Variants in NTM observed in about 807,000 individuals in gnomAD.
NTM encodes the protein IgLON family member 2.
NTM carries 13 observed loss-of-function variants against 42.1 expected under a neutral mutation model. That is an observed-to-expected ratio of 0.31 (90% CI 0.20 to 0.49). NTM has a LOEUF of 0.49. Ranked by LOEUF, NTM falls within the 20% of genes least tolerant of loss-of-function variation. NTM has a pLI of 0.99. For missense variants in NTM, 373 were observed against 452.8 expected (o/e 0.82, Z 1.60); for synonymous variants, 187 against 179.2 (o/e 1.04, Z -0.35).
chr11:131,789,473 AAGAAGAAGAAGAAGAAGAGGAAAG>A lies in NTM; in HGVS notation c.83-122089_83-122066del, dbSNP rs1565550316. On this transcript the variant is annotated intron_variant, in intron 1 of 8. Coordinates refer to ENST00000683400, the MANE Select transcript of NTM (RefSeq NM_001352005.2). ...GAAGAAGAAGAAGAAGAAGAAGAAG[AAGAAGAAGAAGAAGAAGAGGAAAG>A]AAGAAGAAGAAGAAGAAGAAGAAGA... 3.4e-3 allele frequency among the ~76,000 whole-genome samples: 45 copies of A among 13,166 alleles called. 17 individuals carry two copies. The highest frequency in any genetic ancestry group is 9.6e-3 in the South Asian group (3 of 312). The allele number at this position is 13,166 out of a possible 152,430, so 8.6% of individuals were successfully genotyped here.
chr11:132,188,853 A>T (rs1373418392), intron 3 of NTM, among the ~76,000 whole-genome samples: 1 of 152,206 alleles, frequency 6.6e-6, no homozygotes, highest in African/African-American at 2.4e-5. Context: ...GGCTGTCTCC[A>T]CTGACCCTGG....
chr11:131,746,102 T>C (rs944673359), intron 1 of NTM, among the ~76,000 whole-genome samples: 1 of 151,916 alleles, frequency 6.6e-6, no homozygotes, highest in Non-Finnish European at 1.5e-5. Context: ...TCCTTTACCC[T>C]CTTTGTGGGA....
In NTM at chr11:131,805,128, A is replaced by G. The variant is rs1295600112; in HGVS notation, c.83-106436A>G. Among the ~76,000 whole-genome samples, 4 of 152,216 alleles carry G rather than the reference A, an allele frequency of 2.6e-5. No individual in the cohort carries two copies. In the East Asian group the frequency reaches 7.7e-4, roughly 29 times the overall value. On this transcript the variant is annotated intron_variant, in intron 1 of 8. Transcript: ENST00000683400. ...CATTCACGTTATAATATATGCTCCT[A>G]TAAAGTAGAGGCCATCCTCACCATC...
intron 1 of NTM, among the ~76,000 whole-genome samples, chr11:131,481,267 G>A (rs542942191): frequency 9.2e-5 from 14 of 152,282 alleles, no homozygotes; most frequent in South Asian, 2.1e-4. Flanking sequence ...GATATCGAAC[G>A]CACTTGGAAA....
intron 1 of NTM, among the ~76,000 whole-genome samples, chr11:131,401,820 A>ATG (rs1555101754): frequency 1.2e-4 from 6 of 49,914 alleles, no homozygotes; most frequent in African/African-American, 5.4e-4. Flanking sequence ...ATATATATAT[A>ATG]TATATATATA....
At chr11:131,884,868 T>C (rs1265113189) in intron 1 of NTM, among the ~76,000 whole-genome samples, 1 of 152,194 alleles carries the variant, frequency 6.6e-6, no homozygotes, top group Non-Finnish European at 1.5e-5. Context: ...GAGTGCTTCC[T>C]GTGTGTCAGG....
At chr11:131,727,069 G>A (rs2079059563) in intron 1 of NTM, among the ~76,000 whole-genome samples, 1 of 151,284 alleles carries the variant, frequency 6.6e-6, no homozygotes, top group Admixed American at 6.6e-5. Flanking sequence ...GCCAAGTGGA[G>A]CAGCTCCTCT....
At chr11:131,806,250 A>G (rs1447607065) in intron 1 of NTM, among the ~76,000 whole-genome samples, 1 of 152,192 alleles carries the variant, frequency 6.6e-6, no homozygotes, top group African/African-American at 2.4e-5. Context: ...AGTTGTAAAG[A>G]ATTGTTTATA....
intron 1 of NTM, among the ~76,000 whole-genome samples, chr11:131,755,902 G>A (rs1392593600): frequency 1.3e-5 from 2 of 152,206 alleles, no homozygotes; most frequent in Non-Finnish European, 2.9e-5. Context: ...TCGAGGAGAG[G>A]CAATAGAAGC....
intron 2 of NTM, among the ~76,000 whole-genome samples, chr11:132,028,744 C>A (rs1260497170): frequency 6.6e-6 from 1 of 152,138 alleles, no homozygotes; most frequent in Non-Finnish European, 1.5e-5. Flanking sequence ...TCATTAGGCT[C>A]TGGTAATATA....
intron 1 of NTM, among the ~76,000 whole-genome samples, chr11:131,522,745 TC>T (rs1175329852): frequency 2.0e-5 from 3 of 152,186 alleles, no homozygotes; most frequent in African/African-American, 7.2e-5. Context: ...TTCCTTGGCC[TC>T]CATAGATTAT....
intron 1 of NTM, among the ~76,000 whole-genome samples, chr11:131,664,985 G>A (rs1392037327): frequency 4.6e-5 from 7 of 152,120 alleles, no homozygotes; most frequent in Admixed American, 4.6e-4. Context: ...GGGCACCAGA[G>A]GCAGAACCCG....
chr11:131,649,296 T>C (rs1002402901), intron 1 of NTM, among the ~76,000 whole-genome samples: 1 of 152,188 alleles, frequency 6.6e-6, no homozygotes, highest in Non-Finnish European at 1.5e-5. Flanking sequence ...GATAATCATA[T>C]CCAAGTAAAG....
At chr11:131,526,459 G>A (rs555074190) in intron 1 of NTM, among the ~76,000 whole-genome samples, 2 of 152,308 alleles carry the variant, frequency 1.3e-5, no homozygotes, top group African/African-American at 4.8e-5. Flanking sequence ...ATAATTAAGA[G>A]AAGGTAAAGG....
intron 1 of NTM, among the ~76,000 whole-genome samples, chr11:131,680,661 G>T (rs926088502): frequency 1.4e-4 from 7 of 49,694 alleles, no homozygotes; most frequent in African/African-American, 4.9e-4. Context: ...GTGTGCCTCT[G>T]TGTCTGTGTG....
intron 1 of NTM, chr11:131,769,536 C>CT (rs1294699648): frequency 2.7e-4 from 236 of 871,130 alleles, no homozygotes; most frequent in Middle Eastern, 6.0e-4. Context: ...GTTTCGTTTC[C>CT]TTTTTTTTCT....
chr11:131,648,419 A>G (rs755571513), intron 1 of NTM, among the ~76,000 whole-genome samples: 48 of 152,258 alleles, frequency 3.2e-4, no homozygotes, highest in Non-Finnish European at 6.5e-4. Context: ...TTGAGGAATC[A>G]CCACACTGTT....
rs144339080 is a variant in NTM, at chr11:131,881,574, G to A, written c.83-29990G>A. 5.0e-4 allele frequency among the ~76,000 whole-genome samples: 75 copies of A among 151,488 alleles called. 1 individual carries two copies. The highest frequency in any genetic ancestry group is 9.8e-4 in the Admixed American group (15 of 15,230). ...TGGACACCAGCATGCAAAACACAGC[G>A]GAAAAAGTGCACAGACAGAAAGAGT... On this transcript the variant is annotated intron_variant, in intron 1 of 8. Coordinates refer to ENST00000683400, the MANE Select transcript of NTM (RefSeq NM_001352005.2).
At chr11:132,198,210 A>T (rs573957699) in intron 3 of NTM, among the ~76,000 whole-genome samples, 1 of 152,258 alleles carries the variant, frequency 6.6e-6, no homozygotes. Flanking sequence ...TACATTTATT[A>T]CTTATTTATT....
Sources: allele counts gnomAD v4.1 joint callset (sites outside exome capture counted in the v4.1 genomes callset), GRCh38; gene constraint gnomAD v4.1.1; transcripts MANE v1.5; gene names NCBI Gene and HGNC (gene_info 2026-07-23, HGNC 2026-07-21).